Variants in CLCC1 observed in about 807,000 individuals in gnomAD.
The protein encoded by CLCC1 is chloride channel CLIC like 1.
Under a neutral mutation model 63.3 loss-of-function variants are expected in CLCC1, and 39 were observed. The ratio of observed to expected loss-of-function variants is 0.62; its 90% CI spans 0.48 to 0.81. The LOEUF is 0.81. CLCC1 is among the 30% of genes least tolerant of loss of function. The pLI is 0.00. For missense variants in CLCC1, 549 were observed against 669.4 expected, an observed-to-expected ratio of 0.82 and a Z score of 1.98; for synonymous variants, 217 against 239.8, an observed-to-expected ratio of 0.90 and a Z score of 0.88.
intron 2 of CLCC1, among the ~76,000 whole-genome samples, chr1:108,952,137 A>C (rs1471911567): frequency 1.3e-5 from 2 of 150,276 alleles, no homozygotes; most frequent in African/African-American, 4.9e-5. Flanking sequence ...CAATAAAGTC[A>C]ATTTAAAAAC....
chr1:108,950,501 T>C (rs1314910882), intron 2 of CLCC1, 53 bp from the exon 3 acceptor site: 24 of 1,053,050 alleles, frequency 2.3e-5, no homozygotes, highest in Non-Finnish European at 2.9e-5. Flanking sequence ...TTTAAATAAA[T>C]TGGGTTTTGG....
intron 12 of CLCC1, 24 bp downstream of exon 12, chr1:108,934,601 A>AG: frequency 6.6e-7 from 1 of 1,516,058 alleles, no homozygotes; most frequent in Non-Finnish European, 8.9e-7. Context: ...AGAGAAGAGA[A>AG]AGAGAGTGAA....
chr1:108,951,100 G>A (rs1233134561), intron 2 of CLCC1, among the ~76,000 whole-genome samples: 1 of 152,122 alleles, frequency 6.6e-6, no homozygotes, highest in Non-Finnish European at 1.5e-5. Context: ...CAAAAGGTGG[G>A]AAAAACCCAA....
At chr1:108,947,200 A>G (rs896281378) in intron 5 of CLCC1, among the ~76,000 whole-genome samples, 1 of 152,182 alleles carries the variant, frequency 6.6e-6, no homozygotes, top group Non-Finnish European at 1.5e-5. Flanking sequence ...ATTATGAACA[A>G]TATGTCTATA....
chr1:108,963,404 G>A lies in CLCC1; in HGVS notation c.-216C>T, dbSNP rs1429069438. 4 of 702,448 alleles carry A rather than the reference G, an allele frequency of 5.7e-6. No individual in the cohort carries two copies. The highest frequency in any genetic ancestry group is 7.8e-6 in the Non-Finnish European group (3 of 384,892). The allele number at this position is 702,448 out of a possible 1,614,324, so 43.5% of individuals were successfully genotyped here. A position where few individuals can be genotyped will look rare whatever the true frequency, so the allele number is the denominator to read the frequency against. On this transcript the variant is annotated 5_prime_UTR_variant, in exon 1 of 13. Coordinates refer to ENST00000369969, the MANE Select transcript of CLCC1 (RefSeq NM_001377458.1). ...GCCTCTCGAGGAAGACACCTGCCCA[G>A]GCCGGCCGCAGAAGAGGTCGCACAG...
chr1:108,959,316 C>T (rs1056893666), intron 2 of CLCC1, among the ~76,000 whole-genome samples: 2 of 151,492 alleles, frequency 1.3e-5, no homozygotes, highest in African/African-American at 2.4e-5. Flanking sequence ...AGCACACCAC[C>T]GTACTCCAGC....
At position 108,931,014 on chromosome 1, in the gene CLCC1, T is replaced by G. The variant is rs1469925439; in HGVS notation, c.*1533A>C. ...CTGCACTGAGCTATGATCGTGCCACTGCACTCCAGCCTGGGTGACAGAGCA... is the reference window on the plus strand; with the variant it reads ...CTGCACTGAGCTATGATCGTGCCACGGCACTCCAGCCTGGGTGACAGAGCA... On this transcript the variant is annotated 3_prime_UTR_variant, in exon 13 of 13. Transcript: ENST00000369969. 4.9e-6 allele frequency: 1 copy of G among 204,298 alleles called. No individual in the cohort carries two copies. The highest frequency in any genetic ancestry group is 9.9e-6 in the Non-Finnish European group (1 of 100,878). The allele number at this position is 204,298 out of a possible 1,614,324, so 12.7% of individuals were successfully genotyped here. A position where few individuals can be genotyped will look rare whatever the true frequency, so the allele number is the denominator to read the frequency against.
chr1:108,963,150 G>A (rs1656889429), intron 1 of CLCC1, among the ~76,000 whole-genome samples: 1 of 152,230 alleles, frequency 6.6e-6, no homozygotes, highest in Non-Finnish European at 1.5e-5. Flanking sequence ...CGCAACCGCG[G>A]CGGACAGGCA....
In CLCC1 at chr1:108,947,710, CTCA is replaced by C; in HGVS notation, c.237_239del (p.Asp79del). On this transcript the variant is annotated inframe_deletion, in exon 5 of 13. Coordinates refer to ENST00000369969, the MANE Select transcript of CLCC1 (RefSeq NM_001377458.1). ...AGTCTTCCCTCTTTTTCTTTTCACA[CTCA>C]TCAATCTGTAACCATAAAATCAATT... 2 of 1,599,180 alleles carry C rather than the reference CTCA, an allele frequency of 1.3e-6. No homozygotes were observed. The highest frequency in any genetic ancestry group is 1.7e-6 in the Non-Finnish European group (2 of 1,169,374).
intron 11 of CLCC1, among the ~76,000 whole-genome samples, chr1:108,936,082 GTTGTTTT>G (rs1254023057): frequency 2.4e-4 from 31 of 129,090 alleles, no homozygotes; most frequent in African/African-American, 9.2e-4. Context: ...ACCATCTTAA[GTTGTTTT>G]TTTTTTTTTT....
Position 108,937,135 on chromosome 1 carries a change from A to G in CLCC1, c.1325T>C (p.Leu442Pro), listed in dbSNP as rs1026074251. 1 of 1,545,590 alleles carries G rather than the reference A, an allele frequency of 6.5e-7. No individual in the cohort carries two copies. Among genetic ancestry groups the G allele is most frequent in the East Asian group, 2.3e-5 (1 of 44,014 alleles). ...TGCGTCTGGTACATCAAATGCCCGG[A>G]GCACTTCAGGGCTCTTGTTGCCAGT... The part of the protein sequence containing the change: ...FQTGNKSPEV[L>P]RAFDVPDAEA... Residue 442 changes from leucine (L) to proline (P), a missense_variant, in exon 11 of 13, where the codon CTC becomes CCC. By Grantham distance (98) the Leu-to-Pro change is moderately conservative. Transcript: ENST00000369969.
intron 5 of CLCC1, among the ~76,000 whole-genome samples, chr1:108,946,160 A>C (rs527492664): frequency 6.6e-6 from 1 of 152,174 alleles, no homozygotes; most frequent in Non-Finnish European, 1.5e-5. Context: ...AATACAAAAA[A>C]TTAGCCGGGC....
Position 108,950,410 on chromosome 1 carries a change from A to G in CLCC1, c.28T>C (p.Cys10Arg). 6.2e-7 allele frequency: 1 copy of G among 1,610,974 alleles called. No homozygotes were observed. Among genetic ancestry groups the G allele is most frequent in the Non-Finnish European group, 8.5e-7 (1 of 1,178,082 alleles). The change falls in exon 3 of 13, where the codon TGT becomes CGT. Residue 10 changes from cysteine to arginine, a missense_variant. By Grantham distance (180) the Cys-to-Arg change is radical (BLOSUM62 -3). Coordinates refer to ENST00000369969, the MANE Select transcript of CLCC1 (RefSeq NM_001377458.1). ...GCATAACCAGCTACCAGCAACAGAC[A>G]TTCACAAAGGAGCAAAGAACACAGC... MLCSLLLCE[C>R]LLLVAGYAHD...
At chr1:108,947,767 T>C (rs777422556) in intron 4 of CLCC1, 49 bp from the exon 5 acceptor site, 1 of 1,271,866 alleles carries the variant, frequency 7.9e-7, no homozygotes, top group South Asian at 1.3e-5. Context: ...AAGTATAATA[T>C]AAGGGTTAAG....
At position 108,958,223 on chromosome 1, in the gene CLCC1, G is replaced by A. The variant is rs141888296; in HGVS notation, c.-12+4086C>T. 1.8e-3 allele frequency among the ~76,000 whole-genome samples: 275 copies of A among 151,540 alleles called. 6 individuals carry two copies. Among genetic ancestry groups the A allele is most frequent in the Admixed American group, 4.6e-3 (71 of 15,284 alleles). Reference sequence around the variant, plus strand: ...ACTCTACAGTGGTAACCCCATCTACGGTTTTGCTTTCTGAGGTTTCAGTTA... The same window carrying A: ...ACTCTACAGTGGTAACCCCATCTACAGTTTTGCTTTCTGAGGTTTCAGTTA... On this transcript the variant is annotated intron_variant, in intron 2 of 12. Transcript: ENST00000369969.
At chr1:108,940,585 T>C (rs1653715138) in intron 8 of CLCC1, among the ~76,000 whole-genome samples, 1 of 152,216 alleles carries the variant, frequency 6.6e-6, no homozygotes, top group African/African-American at 2.4e-5. Flanking sequence ...CTCTGTAGTA[T>C]TTCTTACTGT....
At chr1:108,963,303 G>A (rs1302244896) in intron 1 of CLCC1, 58 bp downstream of exon 1, 24 of 676,500 alleles carry the variant, frequency 3.5e-5, no homozygotes, top group Non-Finnish European at 5.7e-5. Context: ...CCGCCAGGGC[G>A]TAACGGCGGG....
chr1:108,948,496 C>A (rs1342668270), intron 4 of CLCC1, among the ~76,000 whole-genome samples: 1 of 152,170 alleles, frequency 6.6e-6, no homozygotes, highest in African/African-American at 2.4e-5. Context: ...CTGAAATGCA[C>A]ATCAGTGGAT....
chr1:108,940,454 G>T (rs1005244580), intron 8 of CLCC1, among the ~76,000 whole-genome samples: 5 of 152,118 alleles, frequency 3.3e-5, no homozygotes, highest in Non-Finnish European at 7.4e-5. Flanking sequence ...AGGTAAAATG[G>T]GAAGTCGAAA....
Sources: allele counts gnomAD v4.1 joint callset (sites outside exome capture counted in the v4.1 genomes callset), GRCh38; gene constraint gnomAD v4.1.1; transcripts MANE v1.5; gene names NCBI Gene and HGNC (gene_info 2026-07-23, HGNC 2026-07-21).